UNC13C: variants seen among roughly 807,000 people sequenced by gnomAD.
UNC13C encodes unc-13 homolog C, also known as protein unc-13 homolog C.
A neutral mutation model predicts 245.4 loss-of-function variants in UNC13C; 174 were observed. That is an observed-to-expected ratio of 0.71 (90% confidence interval 0.63 to 0.80). UNC13C has a LOEUF of 0.80. Ranked by LOEUF, UNC13C falls within the 30% of genes least tolerant of loss-of-function variation. UNC13C has a pLI of 0.00. For synonymous variants in UNC13C, 992 were observed against 895.1 expected, an observed-to-expected ratio of 1.11 and a Z score of -1.93; for missense variants, 2,829 against 2,602.9, an observed-to-expected ratio of 1.09 and a Z score of -1.89.
the UNC13C span, among the ~76,000 whole-genome samples, chr15:53,969,385 G>T: frequency 9.2e-5 from 14 of 152,250 alleles, no homozygotes; most frequent in African/African-American, 3.4e-4. Context: ...TACATAGCCT[G>T]ATGCCTCCTT....
At chr15:54,569,973 A>C (rs1596588896) in intron 30 of UNC13C, among the ~76,000 whole-genome samples, 1 of 151,950 alleles carries the variant, frequency 6.6e-6, no homozygotes, top group South Asian at 2.1e-4. Context: ...CAAAGGACTT[A>C]GTGTATAAAA....
At chr15:54,164,900 A>G (rs2033112583) in intron 4 of UNC13C, among the ~76,000 whole-genome samples, 1 of 152,238 alleles carries the variant, frequency 6.6e-6, no homozygotes, top group Admixed American at 6.5e-5. Flanking sequence ...TGGTTTATCT[A>G]TAGGTTTTGA....
At chr15:54,214,996 C>T (rs973371807) in intron 4 of UNC13C, among the ~76,000 whole-genome samples, 3 of 151,680 alleles carry the variant, frequency 2.0e-5, no homozygotes, top group Non-Finnish European at 4.4e-5. Flanking sequence ...TTTGGGGCTG[C>T]ATTTTTTGTT....
At chr15:54,273,257 G>A (rs1410958551) in intron 10 of UNC13C, among the ~76,000 whole-genome samples, 1 of 152,144 alleles carries the variant, frequency 6.6e-6, no homozygotes, top group Non-Finnish European at 1.5e-5. Flanking sequence ...GATTATGCTT[G>A]TTTATTCCTC....
chr15:54,563,442 T>G (rs879351376), intron 29 of UNC13C, among the ~76,000 whole-genome samples: 1 of 151,944 alleles, frequency 6.6e-6, no homozygotes, highest in South Asian at 2.1e-4. Context: ...GTCCTAACTG[T>G]TTTTTGCCCA....
intron 24 of UNC13C, among the ~76,000 whole-genome samples, chr15:54,517,888 C>T (rs1442988228): frequency 3.3e-5 from 5 of 152,094 alleles, no homozygotes; most frequent in Non-Finnish European, 7.4e-5. Context: ...TATAACTTAT[C>T]CTGCAACAAT....
At chr15:54,316,408 C>CG (rs2038010113) in intron 13 of UNC13C, among the ~76,000 whole-genome samples, 2 of 151,866 alleles carry the variant, frequency 1.3e-5, no homozygotes, top group Admixed American at 6.6e-5. Context: ...CTCTATGCCA[C>CG]GCTTGGCTAT....
intron 2 of UNC13C, among the ~76,000 whole-genome samples, chr15:54,057,875 G>T (rs929583422): frequency 6.6e-6 from 1 of 152,122 alleles, no homozygotes; most frequent in Non-Finnish European, 1.5e-5. Flanking sequence ...GGTACATAAC[G>T]AAACGAAGGC....
rs770484699 is a variant in UNC13C, at chr15:54,264,153, A to T, written c.3449-15A>T. ...GGCATTTCCATTCACATCACCATTGATGTTTCCATCATAGGAGCAGCAGAA... is the reference window on the plus strand; with the variant it reads ...GGCATTTCCATTCACATCACCATTGTTGTTTCCATCATAGGAGCAGCAGAA... On this transcript the variant is annotated splice_polypyrimidine_tract_variant and intron_variant, in intron 8 of 32. Transcript: ENST00000260323. The T allele has an allele frequency of 3.2e-6, 5 of 1,560,704 alleles. No homozygotes were observed. The highest frequency in any genetic ancestry group is 4.3e-6 in the Non-Finnish European group (5 of 1,151,396).
intron 22 of UNC13C, among the ~76,000 whole-genome samples, chr15:54,505,472 G>GT (rs1264420949): frequency 6.6e-6 from 1 of 152,174 alleles, no homozygotes. Flanking sequence ...TGTCCAACAA[G>GT]TTCCCAGGTG....
At chr15:54,176,366 A>C (rs2033615506) in intron 4 of UNC13C, among the ~76,000 whole-genome samples, 1 of 152,152 alleles carries the variant, frequency 6.6e-6, no homozygotes, top group Admixed American at 6.5e-5. Flanking sequence ...AAACAATATA[A>C]CTTTTAACTT....
intron 1 of UNC13C, among the ~76,000 whole-genome samples, chr15:53,986,149 A>G (rs1894131854): frequency 6.6e-6 from 1 of 152,066 alleles, no homozygotes; most frequent in Non-Finnish European, 1.5e-5. Flanking sequence ...CTCATTATAG[A>G]CAAGTACACT....
At chr15:54,023,313 T>A (rs1895976664) in intron 2 of UNC13C, among the ~76,000 whole-genome samples, 2 of 152,230 alleles carry the variant, frequency 1.3e-5, no homozygotes, top group South Asian at 4.1e-4. Flanking sequence ...CTGTTGCCAA[T>A]GCAGGCCAGT....
rs1895490034 is a variant in UNC13C at position 54,013,619 on chromosome 15, C to T, written c.716C>T (p.Thr239Ile). ...GFSSSGCISQ[T>I]HDVMEMIFKE... Reference sequence around the variant, plus strand: ...AGTTCCTCTGGCTGCATTAGCCAAACACATGATGTCATGGAAATGATCTTT... The same window carrying T: ...AGTTCCTCTGGCTGCATTAGCCAAATACATGATGTCATGGAAATGATCTTT... Residue 239 changes from threonine (T) to isoleucine (I), a missense_variant, in exon 2 of 33, where the codon ACA becomes ATA. By Grantham distance (89) the Thr-to-Ile change is moderately conservative (BLOSUM62 -1). Transcript: ENST00000260323. 3.1e-6 allele frequency: 5 copies of T among 1,613,464 alleles called. No homozygotes were observed. The highest frequency in any genetic ancestry group is 1.3e-5 in the African/African-American group (1 of 74,896).
At chr15:54,098,502 A>G (rs1431278322) in intron 2 of UNC13C, among the ~76,000 whole-genome samples, 1 of 151,986 alleles carries the variant, frequency 6.6e-6, no homozygotes, top group Non-Finnish European at 1.5e-5. Flanking sequence ...CCTTCCTCCC[A>G]ACTTCCAGGA....
chr15:54,421,452 G>T (rs898570042), intron 19 of UNC13C, among the ~76,000 whole-genome samples: 3 of 151,978 alleles, frequency 2.0e-5, no homozygotes, highest in Admixed American at 6.6e-5. Flanking sequence ...ACTTTTGCTT[G>T]CTAGAGCAGT....
At position 54,622,369 on chromosome 15, in the gene UNC13C, T is replaced by C. The variant is rs1024722291; in HGVS notation, c.6149T>C (p.Val2050Ala). 1 of 1,613,382 alleles carries C rather than the reference T, an allele frequency of 6.2e-7. No individual in the cohort carries two copies. The highest frequency in any genetic ancestry group is 1.1e-5 in the South Asian group (1 of 91,076). ...KDAVGQISVH[V>A]DITATPGTGD... ...GCCGTGGGTCAGATATCTGTTCATG[T>C]GGACATCACTGCCACCCCAGGAACG... is the stretch of plus-strand genomic sequence containing the variant. The change falls in exon 31 of 33, where the codon GTG becomes GCG. Residue 2050 changes from valine (V) to alanine (A), a missense_variant. By Grantham distance (64) the Val-to-Ala change is moderately conservative (BLOSUM62 0). Transcript: ENST00000260323.
At chr15:54,339,599 A>T (rs1395647185) in intron 17 of UNC13C, among the ~76,000 whole-genome samples, 1 of 151,852 alleles carries the variant, frequency 6.6e-6, no homozygotes, top group Non-Finnish European at 1.5e-5. Flanking sequence ...CCATTAATTC[A>T]TTCCTTTTTA....
chr15:54,337,715 G>A (rs3914185), intron 16 of UNC13C, among the ~76,000 whole-genome samples: 38,549 of 151,922 alleles, frequency 0.25, 5,305 homozygotes, highest in Admixed American at 0.34. Flanking sequence ...CCACTTTAAG[G>A]CAGCGTAAGG....
Sources: gnomAD v4.1 joint callset for allele counts (sites outside exome capture counted in the v4.1 genomes callset) on GRCh38, gnomAD v4.1.1 for gene constraint, MANE v1.5 for transcripts, NCBI Gene and HGNC (gene_info 2026-07-23, HGNC 2026-07-21) for gene names.